Variants in FER1L6 observed in about 807,000 individuals in gnomAD.
FER1L6 encodes fer-1-like protein 6.
FER1L6 carries 177 observed loss-of-function variants against 219.2 expected under a neutral mutation model. The observed-to-expected ratio is 0.81, with a 90% confidence interval of 0.71 to 0.91. FER1L6 has a LOEUF of 0.91. Among genes scored for constraint, FER1L6 ranks in the 40% least tolerant of loss-of-function variants. The pLI, the probability that FER1L6 is intolerant of heterozygous loss-of-function variation, is 0.00. For missense variants in FER1L6, 2,153 were observed against 2,259.9 expected, an observed-to-expected ratio of 0.95 and a Z score of 0.96; for synonymous variants, 768 against 824.3, an observed-to-expected ratio of 0.93 and a Z score of 1.17.
intron 39 of FER1L6, among the ~76,000 whole-genome samples, chr8:124,113,166 T>C (rs1025267988): frequency 1.3e-5 from 2 of 152,208 alleles, no homozygotes; most frequent in African/African-American, 4.8e-5. Flanking sequence ...AGTTTAATTA[T>C]TGTGTTTGTC....
chr8:123,934,533 A>AT (rs34039461), intron 1 of FER1L6, among the ~76,000 whole-genome samples: 142 of 147,872 alleles, frequency 9.6e-4, no homozygotes, highest in African/African-American at 1.5e-3. Flanking sequence ...TTCAGGTTGA[A>AT]TTTTTTTTTT....
At position 123,975,513 on chromosome 8, in the gene FER1L6, G is replaced by T. The variant is rs190745385; in HGVS notation, c.683+207G>T. Among the ~76,000 whole-genome samples, 213 of 152,274 alleles carry T rather than the reference G, an allele frequency of 1.4e-3. 1 individual carries two copies. The highest frequency in any genetic ancestry group is 5.0e-3 in the African/African-American group (206 of 41,560). On this transcript the variant is annotated intron_variant, in intron 8 of 40. Coordinates refer to ENST00000522917, the MANE Select transcript of FER1L6 (RefSeq NM_001039112.2). ...GAGGTCAGGTTCTAGGACAAGAACT[G>T]TCTGTCTTCCTATAATAACCCATAA... is the stretch of plus-strand genomic sequence containing the variant.
intron 1 of FER1L6, among the ~76,000 whole-genome samples, chr8:123,900,391 G>A (rs1274622291): frequency 6.6e-6 from 1 of 152,122 alleles, no homozygotes; most frequent in Admixed American, 6.6e-5. Flanking sequence ...GGAGGTTTCT[G>A]GAGGAGTCTT....
chr8:124,039,995 C>G lies in FER1L6; in HGVS notation c.2578C>G (p.Gln860Glu). Residue 860 changes from glutamine (Q) to glutamate (E), a missense_variant, in exon 20 of 41, where the codon CAG becomes GAG. Physicochemically the swap from Gln to Glu is conservative, Grantham distance 29 (BLOSUM62 2). Transcript: ENST00000522917. ...FAKVTFLSHC[Q>E]TTKIISQTLS... ...CAAAGTCACGTTCCTTTCTCACTGC[C>G]AGACAACAAAGGTAACCAGGGTAAC... The G allele has an allele frequency of 6.2e-7, 1 of 1,614,074 alleles. No individual in the cohort carries two copies. Among genetic ancestry groups the G allele is most frequent in the Non-Finnish European group, 8.5e-7 (1 of 1,179,970 alleles).
intron 2 of FER1L6, among the ~76,000 whole-genome samples, chr8:123,962,689 G>A (rs1045160720): frequency 2.0e-5 from 3 of 152,128 alleles, no homozygotes; most frequent in Non-Finnish European, 4.4e-5. Context: ...GAAGTGGCGC[G>A]ATCTCAGCTT....
At chr8:123,937,294 C>T (rs193193272) in intron 1 of FER1L6, among the ~76,000 whole-genome samples, 2 of 152,324 alleles carry the variant, frequency 1.3e-5, no homozygotes, top group African/African-American at 4.8e-5. Flanking sequence ...ACAAAACCTT[C>T]CATTCATCAA....
chr8:124,067,046 T>C (rs1043997295), intron 27 of FER1L6, among the ~76,000 whole-genome samples: 2 of 152,102 alleles, frequency 1.3e-5, no homozygotes, highest in Non-Finnish European at 2.9e-5. Context: ...CTCATGTCCA[T>C]GGAATGAGAC....
chr8:123,902,540 G>T (rs930014661), intron 1 of FER1L6, among the ~76,000 whole-genome samples: 1 of 152,116 alleles, frequency 6.6e-6, no homozygotes, highest in Non-Finnish European at 1.5e-5. Flanking sequence ...GTTGCACAAG[G>T]CCTTTTACCA....
chr8:124,084,380 T>C (rs1821700753), intron 33 of FER1L6, among the ~76,000 whole-genome samples: 1 of 152,144 alleles, frequency 6.6e-6, no homozygotes, highest in Non-Finnish European at 1.5e-5. Context: ...TTCAGTATGA[T>C]CCTAGCTGTG....
chr8:124,025,896 G>A (rs1204395314), intron 18 of FER1L6, among the ~76,000 whole-genome samples: 1 of 152,114 alleles, frequency 6.6e-6, no homozygotes, highest in Non-Finnish European at 1.5e-5. Context: ...TTTCACTTGT[G>A]TAATTTGTCC....
intron 1 of FER1L6, among the ~76,000 whole-genome samples, chr8:123,912,520 T>C (rs1374857544): frequency 6.7e-6 from 1 of 148,684 alleles, no homozygotes; most frequent in East Asian, 2.0e-4. Context: ...TTCATTATAA[T>C]ACTATCTCCG....
intron 32 of FER1L6, among the ~76,000 whole-genome samples, chr8:124,078,286 A>G (rs1238106285): frequency 6.6e-6 from 1 of 152,162 alleles, no homozygotes; most frequent in African/African-American, 2.4e-5. Flanking sequence ...TCATCTTGAT[A>G]TGATGCATGT....
In FER1L6 at chr8:124,103,143, C is replaced by CGTGG. The variant is rs767691800; in HGVS notation, c.5126-3_5126-2insGTGG. On this transcript the variant is annotated splice_region_variant and splice_polypyrimidine_tract_variant and intron_variant, in intron 38 of 40. Transcript: ENST00000522917. ...CCTAACTGTTAGGGTCATCTCTCCA[C>CGTGG]AGGCACCCTGGAAATGAACCTCAAC... 1.1e-5 allele frequency: 18 copies of CGTGG among 1,613,484 alleles called. No individual in the cohort carries two copies.
intron 2 of FER1L6, among the ~76,000 whole-genome samples, chr8:123,962,382 G>A (rs1331813299): frequency 1.3e-5 from 2 of 152,096 alleles, no homozygotes; most frequent in African/African-American, 4.8e-5. Context: ...AGAAAAACCT[G>A]TGGCAGTTAG....
At chr8:123,961,440 G>A (rs1361804255) in intron 2 of FER1L6, among the ~76,000 whole-genome samples, 1 of 152,092 alleles carries the variant, frequency 6.6e-6, no homozygotes, top group Non-Finnish European at 1.5e-5. Context: ...CTTGAAACAT[G>A]TCTTTTGTTA....
chr8:123,936,077 A>T (rs1358184711), intron 1 of FER1L6, among the ~76,000 whole-genome samples: 2 of 152,044 alleles, frequency 1.3e-5, no homozygotes, highest in African/African-American at 2.4e-5. Flanking sequence ...TGTGGAAAGG[A>T]GTGAATAAGC....
In FER1L6 at chr8:123,853,034, G is replaced by A. The variant is rs188692059; in HGVS notation, c.-8+849G>A. On this transcript the variant is annotated intron_variant, in intron 1 of 40. Transcript: ENST00000522917. The surrounding 1 kb of genome is among the most constrained non-coding windows in gnomAD (Gnocchi z 6.6). ...TTTTATTCTTATTTTTGTAGAGACGGGGCCTCGCTATGTTGCTCAGGTTGG... is the reference window on the plus strand; with the variant it reads ...TTTTATTCTTATTTTTGTAGAGACGAGGCCTCGCTATGTTGCTCAGGTTGG... Among the ~76,000 whole-genome samples the A allele has an allele frequency of 3.9e-5, 6 of 152,232 alleles. No individual in the cohort carries two copies. Among genetic ancestry groups the A allele is most frequent in the Admixed American group, 2.6e-4 (4 of 15,272 alleles).
At chr8:124,075,826 G>A (rs1821259431) in intron 31 of FER1L6, among the ~76,000 whole-genome samples, 1 of 152,166 alleles carries the variant, frequency 6.6e-6, no homozygotes, top group African/African-American at 2.4e-5. Context: ...ACATCATTAA[G>A]CGGTGCGTGA....
At position 123,980,803 on chromosome 8, in the gene FER1L6, C is replaced by A; in HGVS notation, c.1402C>A (p.Pro468Thr). 2 of 1,612,852 alleles carry A rather than the reference C, an allele frequency of 1.2e-6. No individual in the cohort carries two copies. Among genetic ancestry groups the A allele is most frequent in the Non-Finnish European group, 1.7e-6 (2 of 1,179,424 alleles). The change falls in exon 11 of 41, where the codon CCC (proline) becomes ACC (threonine). Residue 468 changes from proline to threonine, a missense_variant. Coordinates refer to ENST00000522917, the MANE Select transcript of FER1L6 (RefSeq NM_001039112.2). The part of the protein sequence containing the change: ...TEVEVESFDV[P>T]PEIVPEKNEE... ...GGTGGAGGTGGAATCGTTCGATGTCCCCCCGGAGGTAGGTCTAGGCACTGC... is the reference window on the plus strand; with the variant it reads ...GGTGGAGGTGGAATCGTTCGATGTCACCCCGGAGGTAGGTCTAGGCACTGC...
Sources: gnomAD v4.1 joint callset for allele counts (sites outside exome capture counted in the v4.1 genomes callset) on GRCh38, gnomAD v4.1.1 for gene constraint, Gnocchi (gnomAD v3.1) non-coding constraint, MANE v1.5 for transcripts, NCBI Gene and HGNC (gene_info 2026-07-23, HGNC 2026-07-21) for gene names.